Variants in CRB1 observed in about 807,000 individuals in gnomAD.
CRB1 encodes the protein protein crumbs homolog 1.
CRB1 carries 83 observed loss-of-function variants against 120.0 expected under a neutral mutation model. The ratio of observed to expected loss-of-function variants is 0.69; its 90% CI spans 0.58 to 0.83. The LOEUF is 0.83. Ranked by LOEUF, CRB1 falls within the 40% of genes least tolerant of loss-of-function variation. The pLI is 0.00. For missense variants in CRB1, 1,699 were observed against 1,687.6 expected, an observed-to-expected ratio of 1.01 and a Z score of -0.12; for synonymous variants, 625 against 612.5, an observed-to-expected ratio of 1.02 and a Z score of -0.30.
At chr1:197,206,795 T>C in the CRB1 span, among the ~76,000 whole-genome samples, 1 of 152,278 alleles carries the variant, frequency 6.6e-6, no homozygotes, top group East Asian at 1.9e-4. Flanking sequence ...CTTTGTTTAA[T>C]TTCTGTCTTG....
At chr1:197,296,168 A>T (rs1020994476) in intron 1 of CRB1, among the ~76,000 whole-genome samples, 1 of 152,074 alleles carries the variant, frequency 6.6e-6, no homozygotes, top group African/African-American at 2.4e-5. Flanking sequence ...TGTTCATAGT[A>T]TATTAACAAG....
chr1:197,302,386 G>C (rs1189881182), intron 1 of CRB1, among the ~76,000 whole-genome samples: 1 of 152,134 alleles, frequency 6.6e-6, no homozygotes, highest in Non-Finnish European at 1.5e-5. Flanking sequence ...ATATGCACTA[G>C]GAAACCAAAA....
intron 2 of CRB1, among the ~76,000 whole-genome samples, chr1:197,341,888 G>GA (rs1659483800): frequency 6.6e-6 from 1 of 152,138 alleles, no homozygotes; most frequent in Admixed American, 6.5e-5. Context: ...GTCCACTAGT[G>GA]GGACATTTAA....
intron 9 of CRB1, chr1:197,438,167 T>G: frequency 3.5e-6 from 1 of 289,700 alleles, no homozygotes; most frequent in Non-Finnish European, 6.7e-6. Flanking sequence ...GTGCTGTCCT[T>G]GCTTCCTGGC....
intron 11 of CRB1, chr1:197,444,395 T>G (rs948872678): frequency 3.3e-5 from 5 of 152,228 alleles, no homozygotes; most frequent in Non-Finnish European, 5.9e-5. Flanking sequence ...AGATGATTTG[T>G]TCCAAAGTTA....
chr1:197,245,004 T>G, the CRB1 span, among the ~76,000 whole-genome samples: 1 of 152,084 alleles, frequency 6.6e-6, no homozygotes, highest in East Asian at 1.9e-4. Flanking sequence ...GGTTATCGTA[T>G]TTTTAGTTCT....
At chr1:197,369,748 C>A (rs573956289) in intron 5 of CRB1, among the ~76,000 whole-genome samples, 12 of 152,218 alleles carry the variant, frequency 7.9e-5, no homozygotes, top group African/African-American at 1.4e-4. Flanking sequence ...TAATTTCATG[C>A]AATTTTCTAC....
intron 3 of CRB1, among the ~76,000 whole-genome samples, chr1:197,345,308 G>C (rs1298663050): frequency 1.3e-5 from 2 of 152,038 alleles, no homozygotes; most frequent in Non-Finnish European, 2.9e-5. Flanking sequence ...ACAATAAGGA[G>C]TCTAAAGTTT....
At chr1:197,267,890 C>T (rs554295102), upstream of CRB1, among the ~76,000 whole-genome samples, 1 of 152,232 alleles carries the variant, frequency 6.6e-6, no homozygotes. Context: ...AACTTACAAA[C>T]AGCAGAAATC....
intron 8 of CRB1, among the ~76,000 whole-genome samples, chr1:197,432,502 AATC>A (rs1664922329): frequency 6.6e-6 from 1 of 151,994 alleles, no homozygotes; most frequent in East Asian, 1.9e-4. Context: ...TGTGGTTTCT[AATC>A]ATTATCTCAC....
the CRB1 span, among the ~76,000 whole-genome samples, chr1:197,236,448 C>T: frequency 6.6e-6 from 1 of 152,210 alleles, no homozygotes; most frequent in East Asian, 1.9e-4. Context: ...ATCCAACTGC[C>T]TCGGCCTCCC....
chr1:197,223,398 G>C, the CRB1 span: 1 of 481,980 alleles, frequency 2.1e-6, no homozygotes, highest in Non-Finnish European at 3.7e-6. Context: ...GTGTGCCTAT[G>C]GTTTTTTTTA....
intron 11 of CRB1, among the ~76,000 whole-genome samples, chr1:197,470,747 T>C (rs544153411): frequency 6.6e-6 from 1 of 152,378 alleles, no homozygotes; most frequent in African/African-American, 2.4e-5. Context: ...GATACTTATT[T>C]TTACAGATCT....
the CRB1 span, among the ~76,000 whole-genome samples, chr1:197,236,435 G>A: frequency 4.6e-5 from 7 of 151,994 alleles, no homozygotes; most frequent in Admixed American, 4.6e-4. Context: ...TCCTGACCTC[G>A]TGATCCAACT....
At chr1:197,248,536 G>A in the CRB1 span, among the ~76,000 whole-genome samples, 1 of 152,000 alleles carries the variant, frequency 6.6e-6, no homozygotes, top group Non-Finnish European at 1.5e-5. Flanking sequence ...GAAGATCAGC[G>A]AGTTAAGTGA....
At chr1:197,402,781 CTCA>C (rs977088107) in intron 5 of CRB1, among the ~76,000 whole-genome samples, 4 of 152,108 alleles carry the variant, frequency 2.6e-5, no homozygotes, top group Admixed American at 6.5e-5. Flanking sequence ...TTAATGAGTT[CTCA>C]TCAACTAAAC....
At chr1:197,302,466 T>G (rs564748378) in intron 1 of CRB1, among the ~76,000 whole-genome samples, 2 of 152,266 alleles carry the variant, frequency 1.3e-5, no homozygotes, top group Admixed American at 1.3e-4. Context: ...CTACAATATC[T>G]CTGAGGTATG....
chr1:197,337,140 G>T (rs1260388174), intron 2 of CRB1, among the ~76,000 whole-genome samples: 1 of 152,082 alleles, frequency 6.6e-6, no homozygotes, highest in Non-Finnish European at 1.5e-5. Context: ...TCATAAATAG[G>T]CTATGTGCCC....
At chr1:197,286,836 AT>A (rs1655853693) in intron 1 of CRB1, among the ~76,000 whole-genome samples, 2 of 151,892 alleles carry the variant, frequency 1.3e-5, no homozygotes, top group South Asian at 4.1e-4. Flanking sequence ...ATGCAAAGCC[AT>A]ATGGTTATCA....
Sources: allele counts gnomAD v4.1 joint callset (sites outside exome capture counted in the v4.1 genomes callset), GRCh38; gene constraint gnomAD v4.1.1; transcripts MANE v1.5; gene names NCBI Gene and HGNC (gene_info 2026-07-23, HGNC 2026-07-21).